The following DSCAM variants were observed in gnomAD, a reference collection of about 807,000 sequenced individuals.
DSCAM encodes DS cell adhesion molecule.
In DSCAM, 47 loss-of-function variants were observed where a neutral mutation model predicts 217.7. The ratio of observed to expected loss-of-function variants is 0.22; its 90% CI spans 0.17 to 0.28. The LOEUF is 0.28. Ranked by LOEUF, DSCAM falls within the 10% of genes least tolerant of loss-of-function variation. The pLI is 1.00. For synonymous variants in DSCAM, 1,056 were observed against 1,015.3 expected (o/e 1.04, Z -0.76); for missense variants, 2,080 against 2,618.3 (o/e 0.79, Z 4.49).
chr21:40,347,419 A>T (rs940575865), intron 6 of DSCAM, among the ~76,000 whole-genome samples: 3 of 152,244 alleles, frequency 2.0e-5, no homozygotes, highest in African/African-American at 7.2e-5. Flanking sequence ...CCTGGCAGAT[A>T]ACTTCTAATG....
At chr21:40,655,578 G>A (rs1757170523) in intron 3 of DSCAM, among the ~76,000 whole-genome samples, 1 of 151,948 alleles carries the variant, frequency 6.6e-6, no homozygotes, top group Non-Finnish European at 1.5e-5. Flanking sequence ...AAGTGGCTAG[G>A]ACTACAGGTG....
chr21:40,054,342 C>CT (rs1174516410), intron 29 of DSCAM, among the ~76,000 whole-genome samples: 2 of 152,214 alleles, frequency 1.3e-5, no homozygotes, highest in African/African-American at 2.4e-5. Flanking sequence ...CTTGACCAAT[C>CT]TTTAAGTGCT....
rs7279384 is a variant in DSCAM, at chr21:40,183,077, T to C, written c.2780-3983A>G. Among the ~76,000 whole-genome samples, 187 of 26,744 alleles carry C rather than the reference T, an allele frequency of 7.0e-3. 64 individuals carry two copies. Among genetic ancestry groups the C allele is most frequent in the African/African-American group, 0.061 (162 of 2,672 alleles). The allele number at this position is 26,744 out of a possible 152,430, so 17.5% of individuals were successfully genotyped here. ...AGAGAAACCGTGGACAGGAGGGGGC[T>C]ACCAGAGAAACCGTGGACGGGGGGG... On this transcript the variant is annotated intron_variant, in intron 14 of 32. Transcript: ENST00000400454.
intron 3 of DSCAM, among the ~76,000 whole-genome samples, chr21:40,449,793 T>C (rs1348761375): frequency 6.6e-6 from 1 of 152,204 alleles, no homozygotes; most frequent in Non-Finnish European, 1.5e-5. Flanking sequence ...CAGTCTTAAA[T>C]TTCTTAATAA....
At chr21:40,064,209 C>A (rs2089172287) in intron 27 of DSCAM, among the ~76,000 whole-genome samples, 1 of 150,880 alleles carries the variant, frequency 6.6e-6, no homozygotes, top group South Asian at 2.1e-4. Context: ...ACATATAATG[C>A]CAGAAGCCTG....
At chr21:40,389,297 T>C (rs932087879) in intron 3 of DSCAM, among the ~76,000 whole-genome samples, 1 of 152,194 alleles carries the variant, frequency 6.6e-6, no homozygotes, top group African/African-American at 2.4e-5. Flanking sequence ...AAATTTTAAT[T>C]AGAGAATATT....
At chr21:40,362,304 A>C (rs2074776315) in intron 4 of DSCAM, among the ~76,000 whole-genome samples, 1 of 152,202 alleles carries the variant, frequency 6.6e-6, no homozygotes, top group Non-Finnish European at 1.5e-5. Flanking sequence ...AAAAAAAAGA[A>C]ACCAGGTAGT....
At chr21:40,186,390 G>A (rs1342185956) in intron 14 of DSCAM, among the ~76,000 whole-genome samples, 2 of 152,136 alleles carry the variant, frequency 1.3e-5, no homozygotes, top group African/African-American at 4.8e-5. Flanking sequence ...CATGCTGGTG[G>A]TGCTCGAATT....
chr21:40,047,911 C>T (rs1411069901), intron 30 of DSCAM, among the ~76,000 whole-genome samples: 2 of 152,164 alleles, frequency 1.3e-5, no homozygotes. Flanking sequence ...GATTCAAGTC[C>T]ATGTTGTAAG....
intron 11 of DSCAM, among the ~76,000 whole-genome samples, chr21:40,260,733 C>T (rs2073438459): frequency 6.6e-6 from 1 of 152,224 alleles, no homozygotes. Context: ...TGCAATAAGA[C>T]TGGTCTAGTG....
rs182935490 is a variant in DSCAM, at chr21:40,460,160, T to C, written c.509-90915A>G. On this transcript the variant is annotated intron_variant, in intron 3 of 32. Coordinates refer to ENST00000400454, the MANE Select transcript of DSCAM (RefSeq NM_001389.5). The stretch of plus-strand genomic sequence containing the variant: ...GGGGAAAGGAGAGCATCAGGATAAA[T>C]AGCTAATGCATGCTGGGCTTAATAC... 2.0e-5 allele frequency among the ~76,000 whole-genome samples: 3 copies of C among 152,216 alleles called. No homozygotes were observed. The East Asian group carries it at 5.8e-4, about 29-fold the overall frequency.
At chr21:40,149,962 T>A (rs13046959) in intron 16 of DSCAM, among the ~76,000 whole-genome samples, 1 of 151,950 alleles carries the variant, frequency 6.6e-6, no homozygotes, top group Admixed American at 6.5e-5. Flanking sequence ...ATCATTCCAT[T>A]ACTATCCCAC....
chr21:40,506,296 TA>T (rs2076209992), intron 3 of DSCAM, among the ~76,000 whole-genome samples: 1 of 152,168 alleles, frequency 6.6e-6, no homozygotes, highest in Admixed American at 6.5e-5. Context: ...TTCTAGCAAA[TA>T]AAATCTTCAA....
intron 1 of DSCAM, among the ~76,000 whole-genome samples, chr21:40,773,143 T>G (rs2091460731): frequency 6.6e-6 from 1 of 152,204 alleles, no homozygotes; most frequent in Admixed American, 6.5e-5. Context: ...GTTCAACCAA[T>G]CCTTCATCAG....
intron 3 of DSCAM, among the ~76,000 whole-genome samples, chr21:40,585,516 C>T (rs959819775): frequency 6.6e-6 from 1 of 151,720 alleles, no homozygotes; most frequent in African/African-American, 2.4e-5. Flanking sequence ...TTTTAAAGCA[C>T]AGCAAAATAC....
intron 3 of DSCAM, among the ~76,000 whole-genome samples, chr21:40,669,974 A>G (rs2090253008): frequency 6.6e-6 from 1 of 152,018 alleles, no homozygotes; most frequent in Non-Finnish European, 1.5e-5. Context: ...ATTCAATACC[A>G]TCACACACAT....
intron 3 of DSCAM, among the ~76,000 whole-genome samples, chr21:40,378,206 C>T (rs1158942427): frequency 2.0e-5 from 3 of 152,092 alleles, no homozygotes; most frequent in African/African-American, 4.8e-5. Flanking sequence ...AAATGAATTA[C>T]GTTTTAATTA....
chr21:40,761,196 T>C (rs2091331151), intron 1 of DSCAM, among the ~76,000 whole-genome samples: 1 of 152,216 alleles, frequency 6.6e-6, no homozygotes, highest in African/African-American at 2.4e-5. Context: ...ATCACGAAGA[T>C]GCAGTTTTGC....
At chr21:40,495,416 C>T (rs9975383) in intron 3 of DSCAM, among the ~76,000 whole-genome samples, 46,612 of 151,994 alleles carry the variant, frequency 0.31, 7,311 homozygotes, top group African/African-American at 0.35. Flanking sequence ...CACCACATTA[C>T]CACAATGAAG....
Sources: allele counts gnomAD v4.1 joint callset (sites outside exome capture counted in the v4.1 genomes callset), GRCh38; gene constraint gnomAD v4.1.1; transcripts MANE v1.5; gene names NCBI Gene and HGNC (gene_info 2026-07-23, HGNC 2026-07-21).